MELK: variants seen among roughly 807,000 people sequenced by gnomAD.
MELK encodes the protein maternal embryonic leucine zipper kinase.
In MELK, 81 loss-of-function variants were observed where a neutral mutation model predicts 85.0. That is an observed-to-expected ratio of 0.95 (90% CI 0.80 to 1.15). MELK has a LOEUF of 1.15. Among genes scored for constraint, MELK ranks in the 50% most tolerant of loss-of-function variants. MELK has a pLI of 0.00. For synonymous variants in MELK, 252 were observed against 265.0 expected, an observed-to-expected ratio of 0.95 and a Z score of 0.48; for missense variants, 754 against 777.5, an observed-to-expected ratio of 0.97 and a Z score of 0.36.
intron 1 of MELK, among the ~76,000 whole-genome samples, chr9:36,574,835 A>C (rs1051624701): frequency 9.9e-5 from 15 of 151,924 alleles, no homozygotes; most frequent in Admixed American, 7.2e-4. Context: ...TCTTCTGAGA[A>C]GTTAAAGACC....
chr9:36,594,718 T>C lies in MELK; in HGVS notation c.352T>C (p.Ser118Pro). The change falls in exon 5 of 18, where the codon TCT becomes CCT. Residue 118 changes from serine (S) to proline (P), a missense_variant. By Grantham distance (74) the Ser-to-Pro change is moderately conservative. Coordinates refer to ENST00000298048, the MANE Select transcript of MELK (RefSeq NM_014791.4). The stretch of plus-strand genomic sequence containing the variant: ...CCGGGTTGTCTTCCGTCAGATAGTA[T>C]CTGCTGTTGCTTATGTGCACAGCCA... ...ETRVVFRQIV[S>P]AVAYVHSQGY... is the part of the protein sequence containing the mutation. The C allele has an allele frequency of 6.2e-7, 1 of 1,614,124 alleles. No individual in the cohort carries two copies. Among genetic ancestry groups the C allele is most frequent in the Non-Finnish European group, 8.5e-7 (1 of 1,180,020 alleles).
At chr9:36,638,666 CTG>C (rs1829440970) in intron 10 of MELK, among the ~76,000 whole-genome samples, 1 of 152,112 alleles carries the variant, frequency 6.6e-6, no homozygotes, top group Non-Finnish European at 1.5e-5. Context: ...TAAGGGCTCT[CTG>C]TATATTATAC....
chr9:36,659,711 C>T (rs1487893279), intron 13 of MELK, among the ~76,000 whole-genome samples: 1 of 152,228 alleles, frequency 6.6e-6, no homozygotes, highest in South Asian at 2.1e-4. Flanking sequence ...CAGCTGACAA[C>T]TCTGCATTAG....
intron 8 of MELK, among the ~76,000 whole-genome samples, chr9:36,619,202 ACCTG>A (rs1827162071): frequency 6.6e-6 from 1 of 151,958 alleles, no homozygotes; most frequent in Admixed American, 6.6e-5. Context: ...CAAATGATTC[ACCTG>A]CCTCAGCCTC....
chr9:36,648,728 A>T (rs1468580840), intron 11 of MELK, among the ~76,000 whole-genome samples: 1 of 152,230 alleles, frequency 6.6e-6, no homozygotes, highest in Non-Finnish European at 1.5e-5. Context: ...ATATCCTACT[A>T]TATTAGTGGT....
Position 36,643,098 on chromosome 9 carries a change from A to T in MELK, c.921+15A>T, listed in dbSNP as rs199689087. On this transcript the variant is annotated intron_variant, in intron 11 of 17. Transcript: ENST00000298048. Reference sequence around the variant, plus strand: ...TAATTTCACTGGTAAGAAATACAGCATGGGCTGGGCGCAGTGGCTCACGCC... The same window carrying T: ...TAATTTCACTGGTAAGAAATACAGCTTGGGCTGGGCGCAGTGGCTCACGCC... The T allele has an allele frequency of 3.7e-5, 60 of 1,605,424 alleles. No individual in the cohort carries two copies. The Middle Eastern group carries it at 4.3e-3, about 115-fold the overall frequency.
intron 7 of MELK, among the ~76,000 whole-genome samples, chr9:36,600,457 C>T (rs932679510): frequency 2.0e-4 from 31 of 152,184 alleles, no homozygotes; most frequent in African/African-American, 7.5e-4. Context: ...AATCTCCGCT[C>T]ACTACAAGCT....
chr9:36,633,524 A>G (rs1232218470), intron 10 of MELK, among the ~76,000 whole-genome samples: 1 of 152,162 alleles, frequency 6.6e-6, no homozygotes, highest in Non-Finnish European at 1.5e-5. Context: ...GAACCTATTT[A>G]TTCATCTGTA....
At chr9:36,629,547 G>C (rs1205248128) in intron 8 of MELK, among the ~76,000 whole-genome samples, 2 of 152,076 alleles carry the variant, frequency 1.3e-5, no homozygotes, top group African/African-American at 4.8e-5. Flanking sequence ...TCTGTTTTGT[G>C]GATGACCTGT....
intron 10 of MELK, among the ~76,000 whole-genome samples, chr9:36,640,944 C>T (rs1829700203): frequency 6.6e-6 from 1 of 152,186 alleles, no homozygotes; most frequent in South Asian, 2.1e-4. Flanking sequence ...CTTGTTGTTA[C>T]AAGTGTGATG....
intron 13 of MELK, among the ~76,000 whole-genome samples, chr9:36,657,589 G>C (rs1831378331): frequency 6.6e-6 from 1 of 152,124 alleles, no homozygotes; most frequent in Non-Finnish European, 1.5e-5. Flanking sequence ...TTTATTTCCT[G>C]TTTATTATTA....
intron 9 of MELK, among the ~76,000 whole-genome samples, chr9:36,632,318 G>GT (rs1828717937): frequency 6.6e-6 from 1 of 152,160 alleles, no homozygotes; most frequent in South Asian, 2.1e-4. Context: ...ATTAATCAAT[G>GT]TATCACCTAA....
chr9:36,630,190 G>A (rs1188330348), intron 8 of MELK, 109 bp from the exon 9 acceptor site: 1 of 802,204 alleles, frequency 1.2e-6, no homozygotes, highest in Non-Finnish European at 2.1e-6. Flanking sequence ...AAGTATTGTA[G>A]TTGGGTGAAG....
chr9:36,671,878 C>A (rs1209658905), intron 16 of MELK, among the ~76,000 whole-genome samples: 1 of 152,122 alleles, frequency 6.6e-6, no homozygotes, highest in Non-Finnish European at 1.5e-5. Context: ...ATGAGACAGC[C>A]CATTCCTTGA....
intron 8 of MELK, among the ~76,000 whole-genome samples, chr9:36,623,829 C>T (rs1827675036): frequency 6.6e-6 from 1 of 152,258 alleles, no homozygotes; most frequent in Admixed American, 6.5e-5. Flanking sequence ...AGATTCAATA[C>T]ATATTTATTG....
At chr9:36,634,593 G>A (rs956474375) in intron 10 of MELK, among the ~76,000 whole-genome samples, 2 of 152,078 alleles carry the variant, frequency 1.3e-5, no homozygotes, top group Non-Finnish European at 2.9e-5. Context: ...TATAATCCCA[G>A]GTTCTCAGGA....
chr9:36,622,995 G>C (rs1044151972), intron 8 of MELK, among the ~76,000 whole-genome samples: 2 of 152,110 alleles, frequency 1.3e-5, no homozygotes, highest in Non-Finnish European at 2.9e-5. Flanking sequence ...CAGAAACAAG[G>C]GTCCTATCTC....
chr9:36,660,637 A>G (rs1831714429), intron 13 of MELK, among the ~76,000 whole-genome samples: 1 of 150,584 alleles, frequency 6.6e-6, no homozygotes, highest in South Asian at 2.1e-4. Flanking sequence ...AAATCTTTTT[A>G]ACAGATGCTG....
At chr9:36,582,356 G>A (rs1373770019) in intron 2 of MELK, among the ~76,000 whole-genome samples, 1 of 152,130 alleles carries the variant, frequency 6.6e-6, no homozygotes, top group Non-Finnish European at 1.5e-5. Context: ...TTACAGAGTT[G>A]CTGTGGCTGC....
Sources: allele counts gnomAD v4.1 joint callset (sites outside exome capture counted in the v4.1 genomes callset), GRCh38; gene constraint gnomAD v4.1.1; transcripts MANE v1.5; gene names NCBI Gene and HGNC (gene_info 2026-07-23, HGNC 2026-07-21).